The following PRRC2C variants were observed in gnomAD, a reference collection of about 807,000 sequenced individuals.
The protein encoded by PRRC2C is protein PRRC2C.
Under a neutral mutation model 317.2 loss-of-function variants are expected in PRRC2C, and 72 were observed. The ratio of observed to expected loss-of-function variants is 0.23; its 90% CI spans 0.19 to 0.28. PRRC2C has a LOEUF of 0.28. PRRC2C is among the 10% of genes least tolerant of loss of function. The probability of loss-of-function intolerance (pLI) is 1.00; values close to 1 mark genes in which losing one functional copy is unlikely to be tolerated. For synonymous variants in PRRC2C, 1,296 were observed against 1,205.9 expected (o/e 1.07, Z -1.55); for missense variants, 3,074 against 3,459.7 (o/e 0.89, Z 2.80).
At chr1:171,549,419 T>C (rs887278487) in intron 17 of PRRC2C, among the ~76,000 whole-genome samples, 2 of 151,912 alleles carry the variant, frequency 1.3e-5, no homozygotes, top group African/African-American at 4.8e-5. Flanking sequence ...GTAGAATGCT[T>C]TGTAGATCTT....
rs1158556483 is a variant in PRRC2C at position 171,557,332 on chromosome 1, G to A, written c.5220G>A (p.Gln1740=). The change falls in exon 19 of 35, where the codon CAG becomes CAA. Residue 1740 remains glutamine (Q), a synonymous_variant. Coordinates refer to ENST00000647382, the MANE Select transcript of PRRC2C (RefSeq NM_001387844.1). The stretch of plus-strand genomic sequence containing the variant: ...CCAAAAAACAGGCTACAGGGATCCA[G>A]CAAGCACAGTCTTCAGCCTCAGTTC... ...RFAKKQATGI[Q]QAQSSASVPP... is the part of the protein sequence containing the mutation. 6.4e-7 allele frequency: 1 copy of A among 1,551,886 alleles called. No individual in the cohort carries two copies. Among genetic ancestry groups the A allele is most frequent in the Non-Finnish European group, 8.7e-7 (1 of 1,147,062 alleles).
At chr1:171,563,533 T>G (rs1344656788) in intron 20 of PRRC2C, among the ~76,000 whole-genome samples, 3 of 152,284 alleles carry the variant, frequency 2.0e-5, no homozygotes, top group African/African-American at 7.2e-5. Context: ...AACGTCATTT[T>G]GCTATAAAGG....
rs142545668 is a variant in PRRC2C at position 171,590,818 on chromosome 1, G to A, written c.8437-769G>A. Among the ~76,000 whole-genome samples the A allele has an allele frequency of 3.9e-3, 596 of 152,216 alleles. 3 individuals carry two copies. The highest frequency in any genetic ancestry group is 0.013 in the African/African-American group (537 of 41,524). Reference sequence around the variant, plus strand: ...CCTGGCTCCTTGGCTCTTGATTTTCGCATATTCCCATGTTGGAAATAACAT... The same window carrying A: ...CCTGGCTCCTTGGCTCTTGATTTTCACATATTCCCATGTTGGAAATAACAT... On this transcript the variant is annotated intron_variant, in intron 34 of 34. Transcript: ENST00000647382.
chr1:171,542,705 T>C (rs1678179862), intron 16 of PRRC2C, among the ~76,000 whole-genome samples: 1 of 152,186 alleles, frequency 6.6e-6, no homozygotes, highest in Admixed American at 6.5e-5. Flanking sequence ...ATAATTGCCA[T>C]GGCAATGGAT....
At chr1:171,560,607 A>C (rs905150769) in intron 19 of PRRC2C, among the ~76,000 whole-genome samples, 2 of 152,244 alleles carry the variant, frequency 1.3e-5, no homozygotes, top group African/African-American at 4.8e-5. Flanking sequence ...TTCCACCAGC[A>C]AAAAAAGTAC....
At position 171,542,006 on chromosome 1, in the gene PRRC2C, G is replaced by T; in HGVS notation, c.4540G>T (p.Asp1514Tyr). 1 of 1,607,068 alleles carries T rather than the reference G, an allele frequency of 6.2e-7. No homozygotes were observed. The highest frequency in any genetic ancestry group is 8.5e-7 in the Non-Finnish European group (1 of 1,177,838). Residue 1514 changes from aspartate (D) to tyrosine (Y), a missense_variant, in exon 16 of 35, where the codon GAT (aspartate) becomes TAT (tyrosine). Asp to Tyr is a radical substitution (Grantham distance 160). Transcript: ENST00000647382. ...SSDFNERRER[D>Y]EKKNADLNAQ... Reference sequence around the variant, plus strand: ...TGATTTCAATGAGAGGCGAGAGAGGGATGAAAAAAAAAATGCTGACTTGAA... The same window carrying T: ...TGATTTCAATGAGAGGCGAGAGAGGTATGAAAAAAAAAATGCTGACTTGAA...
chr1:171,491,630 G>A (rs1667169922), intron 1 of PRRC2C, among the ~76,000 whole-genome samples: 1 of 152,168 alleles, frequency 6.6e-6, no homozygotes. Flanking sequence ...GGAACAAAAA[G>A]CTTTGAACTT....
chr1:171,525,662 T>A (rs892802815), intron 10 of PRRC2C, among the ~76,000 whole-genome samples: 7 of 152,168 alleles, frequency 4.6e-5, no homozygotes, highest in African/African-American at 1.7e-4. Context: ...GCAGTTACAG[T>A]GTGCTAAGTG....
At chr1:171,493,570 A>T (rs1043579838) in intron 1 of PRRC2C, among the ~76,000 whole-genome samples, 4 of 152,344 alleles carry the variant, frequency 2.6e-5, no homozygotes, top group Admixed American at 1.3e-4. Context: ...CTGTAATCCC[A>T]GCACTTTGGG....
chr1:171,542,315 AG>A, intron 16 of PRRC2C, 86 bp downstream of exon 16: 1 of 1,207,998 alleles, frequency 8.3e-7, no homozygotes, highest in South Asian at 1.6e-5. Flanking sequence ...GCAAAGAGCC[AG>A]TCTAGATAAA....
intron 1 of PRRC2C, among the ~76,000 whole-genome samples, chr1:171,498,486 C>G (rs939551841): frequency 4.6e-5 from 7 of 152,214 alleles, no homozygotes; most frequent in Admixed American, 3.9e-4. Context: ...AAGACCCCAC[C>G]TCTTAAAAGT....
chr1:171,542,171 T>C lies in PRRC2C; in HGVS notation c.4705T>C (p.Phe1569Leu). 2 of 1,602,240 alleles carry C rather than the reference T, an allele frequency of 1.2e-6. No homozygotes were observed. The highest frequency in any genetic ancestry group is 3.3e-4 in the Middle Eastern group (2 of 6,030). Residue 1569 changes from phenylalanine to leucine, a missense_variant, in exon 16 of 35, where the codon TTC becomes CTC. Phe to Leu is a conservative substitution (Grantham distance 22, BLOSUM62 0). Around this residue, in one of 11 missense-constraint regions of PRRC2C, gnomAD observed 178 missense variants for 163.0 expected, o/e 1.09. Transcript: ENST00000647382. Reference protein sequence around the residue: ...NNGPPKSGRNFSGPRNERRSG... With the variant: ...NNGPPKSGRNLSGPRNERRSG... The stretch of plus-strand genomic sequence containing the variant: ...TGGTCCACCCAAATCAGGAAGGAAT[T>C]TCTCAGGTCCTAGAAATGAAAGGAG...
intron 7 of PRRC2C, 103 bp downstream of exon 7, chr1:171,522,362 T>A: frequency 1.4e-6 from 1 of 718,458 alleles, no homozygotes; most frequent in South Asian, 2.1e-5. Flanking sequence ...ATTGATCGTT[T>A]TCCTATCCTC....
intron 18 of PRRC2C, among the ~76,000 whole-genome samples, chr1:171,553,630 C>T (rs1015106209): frequency 2.0e-5 from 3 of 152,202 alleles, no homozygotes; most frequent in Non-Finnish European, 4.4e-5. Context: ...CCTCTACACA[C>T]TGTTTTAAGT....
chr1:171,515,664 C>A, intron 4 of PRRC2C, 70 bp from the exon 5 acceptor site: 1 of 1,272,452 alleles, frequency 7.9e-7, no homozygotes, highest in Middle Eastern at 2.1e-4. Context: ...AGAGCTCTAT[C>A]CTGGGAGGGT....
At chr1:171,532,260 G>T in intron 11 of PRRC2C, 83 bp from the exon 12 acceptor site, 2 of 1,386,120 alleles carry the variant, frequency 1.4e-6, no homozygotes, top group South Asian at 1.5e-5. Context: ...TATTTTTGTG[G>T]GGTTTTTCCT....
At position 171,532,893 on chromosome 1, in the gene PRRC2C, T is replaced by C. The variant is rs1571839480; in HGVS notation, c.1805T>C (p.Ile602Thr). 1.3e-6 allele frequency: 2 copies of C among 1,579,702 alleles called. No individual in the cohort carries two copies. The highest frequency in any genetic ancestry group is 1.7e-6 in the Non-Finnish European group (2 of 1,171,860). Residue 602 changes from isoleucine to threonine, a missense_variant, in exon 12 of 35, where the codon ATT (isoleucine) becomes ACT (threonine). Physicochemically the swap from Ile to Thr is moderately conservative, Grantham distance 89. This residue lies in a region of PRRC2C where 1,320 missense variants were observed against 1,395.7 expected (regional missense o/e 0.95). Transcript: ENST00000647382. ...GAAAGGGAAAAATTAGAGGAGAAAA[T>C]TGAACCCAGAGAACCTAATTTAGAG... ...EKEREKLEEKIEPREPNLEPM... is the reference protein window; with the variant it reads ...EKEREKLEEKTEPREPNLEPM...
chr1:171,511,760 C>T (rs1361779018), intron 1 of PRRC2C: 1 of 164,142 alleles, frequency 6.1e-6, no homozygotes, highest in Non-Finnish European at 1.3e-5. Context: ...TCAGTGGGTT[C>T]ACTGTGTTTT....
At chr1:171,542,314 C>T (rs1156441842) in intron 16 of PRRC2C, 85 bp downstream of exon 16, 2 of 1,212,590 alleles carry the variant, frequency 1.6e-6, no homozygotes, top group African/African-American at 3.1e-5. Context: ...TGCAAAGAGC[C>T]AGTCTAGATA....
Sources: gnomAD v4.1 joint callset for allele counts (sites outside exome capture counted in the v4.1 genomes callset) on GRCh38, gnomAD v4.1.1 for gene constraint, gnomAD v4.1.1 regional missense constraint, MANE v1.5 for transcripts, NCBI Gene and HGNC (gene_info 2026-07-23, HGNC 2026-07-21) for gene names.